The following GNG4 variants were observed in gnomAD, a reference collection of about 807,000 sequenced individuals.
GNG4 encodes G protein subunit gamma 4, also known as guanine nucleotide-binding protein G(I)/G(S)/G(O) subunit gamma-4.
GNG4 carries 4 observed loss-of-function variants against 5.8 expected under a neutral mutation model. The ratio of observed to expected loss-of-function variants is 0.69; its 90% confidence interval spans 0.34 to 1.57. The LOEUF is 1.57. Ranked by LOEUF, GNG4 falls within the 40% of genes most tolerant of loss-of-function variation. The probability of loss-of-function intolerance (pLI) is 0.06; values close to 1 mark genes in which losing one functional copy is unlikely to be tolerated. For synonymous variants in GNG4, 29 were observed against 32.9 expected, an observed-to-expected ratio of 0.88 and a Z score of 0.41; for missense variants, 96 against 95.1, an observed-to-expected ratio of 1.01 and a Z score of -0.04.
At chr1:235,582,467 T>G (rs1029429757) in intron 3 of GNG4, among the ~76,000 whole-genome samples, 3 of 152,242 alleles carry the variant, frequency 2.0e-5, no homozygotes, top group African/African-American at 7.2e-5. Flanking sequence ...CGGAGGAGAC[T>G]GTCGCCTTCA....
intron 3 of GNG4, among the ~76,000 whole-genome samples, chr1:235,580,630 T>C (rs1282347178): frequency 2.0e-5 from 3 of 151,790 alleles, no homozygotes; most frequent in Non-Finnish European, 4.4e-5. Flanking sequence ...GTCACTGGCC[T>C]ACTCCCTGGA....
intron 1 of GNG4, among the ~76,000 whole-genome samples, chr1:235,626,422 G>T (rs1571920368): frequency 7.3e-6 from 1 of 136,966 alleles, no homozygotes; most frequent in Non-Finnish European, 1.5e-5. Flanking sequence ...GGGAGGGCCT[G>T]GGACTAGAGG....
chr1:235,593,900 C>T (rs1458708174), intron 2 of GNG4, among the ~76,000 whole-genome samples: 1 of 152,186 alleles, frequency 6.6e-6, no homozygotes, highest in East Asian at 1.9e-4. Context: ...AGCAAAAGAA[C>T]AAAGCCTGCA....
At chr1:235,596,902 T>C (rs1688137002) in intron 1 of GNG4, among the ~76,000 whole-genome samples, 1 of 152,082 alleles carries the variant, frequency 6.6e-6, no homozygotes. Context: ...TTTACTTTTT[T>C]TTTTTTTATT....
At chr1:235,604,577 A>G (rs1045929373) in intron 1 of GNG4, among the ~76,000 whole-genome samples, 1 of 152,216 alleles carries the variant, frequency 6.6e-6, no homozygotes, top group Non-Finnish European at 1.5e-5. Context: ...ATTTGTAGAC[A>G]TCACTCCAAT....
At position 235,644,503 on chromosome 1, in the gene GNG4, C is replaced by G. The variant is rs2102991017; in HGVS notation, c.-123+5159G>C. ...CCCCGCACACACCGTCAAACACATG[C>G]ACGGTGTAGACTGAAGTCATCAGGT... is the stretch of plus-strand genomic sequence containing the variant. On this transcript the variant is annotated intron_variant, in intron 1 of 3. Coordinates refer to ENST00000391854, the MANE Select transcript of GNG4 (RefSeq NM_001098722.2). The surrounding 1 kb of genome is among the most constrained non-coding windows in gnomAD (Gnocchi z 5.9). Among the ~76,000 whole-genome samples, 1 of 152,358 alleles carries G rather than the reference C, an allele frequency of 6.6e-6. No homozygotes were observed. Among genetic ancestry groups the G allele is most frequent in the Non-Finnish European group, 1.5e-5 (1 of 68,038 alleles).
intron 3 of GNG4, among the ~76,000 whole-genome samples, chr1:235,582,164 C>T (rs1475047074): frequency 6.6e-6 from 1 of 152,228 alleles, no homozygotes; most frequent in Non-Finnish European, 1.5e-5. Context: ...TTCTGCCCCT[C>T]CTTGCCTCTC....
At chr1:235,562,659 G>GAAAAAAAAAAAA (rs1318706984) in intron 3 of GNG4, among the ~76,000 whole-genome samples, 44 of 51,204 alleles carry the variant, frequency 8.6e-4, no homozygotes, top group South Asian at 1.5e-3. Context: ...AAAAAAAAAA[G>GAAAAAAAAAAAA]AAAAAAAAAA....
intron 3 of GNG4, among the ~76,000 whole-genome samples, chr1:235,563,022 A>T (rs180841958): frequency 7.0e-4 from 107 of 152,252 alleles, no homozygotes; most frequent in African/African-American, 2.4e-3. Context: ...ATTAAGATAG[A>T]TGTATTTGGT....
chr1:235,565,534 A>G (rs773019362), intron 3 of GNG4, among the ~76,000 whole-genome samples: 2 of 152,116 alleles, frequency 1.3e-5, no homozygotes, highest in Non-Finnish European at 2.9e-5. Context: ...AGCAACAACA[A>G]CAAAAAACAC....
In GNG4 at chr1:235,621,249, ATTTTTCT is replaced by A. The variant is rs1291374626; in HGVS notation, c.-122-25745_-122-25739del. 2.1e-3 allele frequency among the ~76,000 whole-genome samples: 308 copies of A among 144,230 alleles called. 2 individuals are homozygous for A. The highest frequency in any genetic ancestry group is 7.6e-3 in the African/African-American group (297 of 39,096). The allele number at this position is 144,230 out of a possible 152,430, so 94.6% of individuals were successfully genotyped here. A position where few individuals can be genotyped will look rare whatever the true frequency, so the allele number is the denominator to read the frequency against. ...AAAAAAAAAGTCTAATTTTTTTTTAATTTTTCTTTTTTCTTTCCTTTTTTTCTTTTTC... is the reference window on the plus strand; with the variant it reads ...AAAAAAAAAGTCTAATTTTTTTTTAATTTTTCTTTCCTTTTTTTCTTTTTC... On this transcript the variant is annotated intron_variant, in intron 1 of 3. Coordinates refer to ENST00000391854, the MANE Select transcript of GNG4 (RefSeq NM_001098722.2).
chr1:235,589,161 G>A (rs1558487354), intron 2 of GNG4, among the ~76,000 whole-genome samples: 1 of 152,232 alleles, frequency 6.6e-6, no homozygotes, highest in Non-Finnish European at 1.5e-5. Context: ...ACATCGGAAG[G>A]CTCATCATTT....
Position 235,549,889 on chromosome 1 carries a change from A to C in GNG4, c.*2220T>G, listed in dbSNP as rs868126277. ...GCATTTAGTACATTTATTTGTTTTA[A>C]ATGATAATCAGAGCTTTCATCTATG... On this transcript the variant is annotated 3_prime_UTR_variant, in exon 4 of 4. Coordinates refer to ENST00000391854, the MANE Select transcript of GNG4 (RefSeq NM_001098722.2). 5.9e-5 allele frequency: 9 copies of C among 152,156 alleles called. No homozygotes were observed. Among genetic ancestry groups the C allele is most frequent in the African/African-American group, 2.2e-4 (9 of 41,420 alleles). 9.4% of individuals were successfully genotyped at this position (152,156 alleles called of 1,614,324 possible).
At chr1:235,617,005 C>T (rs1161158531) in intron 1 of GNG4, among the ~76,000 whole-genome samples, 1 of 151,456 alleles carries the variant, frequency 6.6e-6, no homozygotes, top group African/African-American at 2.4e-5. Context: ...GTCTCAGCCT[C>T]CCAAAGTGCT....
intron 1 of GNG4, chr1:235,616,300 C>T (rs1002438563): frequency 8.9e-6 from 4 of 449,220 alleles, no homozygotes; most frequent in African/African-American, 2.0e-5. Context: ...GGAAGGGCAG[C>T]ATCTCCATCC....
At chr1:235,564,321 T>C (rs1020491827) in intron 3 of GNG4, among the ~76,000 whole-genome samples, 1 of 152,170 alleles carries the variant, frequency 6.6e-6, no homozygotes, top group Admixed American at 6.6e-5. Context: ...AAACTACCTG[T>C]TGGGTACTAT....
intron 2 of GNG4, among the ~76,000 whole-genome samples, chr1:235,592,070 T>C (rs1687976627): frequency 6.6e-6 from 1 of 152,236 alleles, no homozygotes; most frequent in Non-Finnish European, 1.5e-5. Context: ...GGTTTCCCTA[T>C]AGAAACTAAA....
At chr1:235,565,351 A>G (rs1687168280) in intron 3 of GNG4, among the ~76,000 whole-genome samples, 1 of 152,114 alleles carries the variant, frequency 6.6e-6, no homozygotes, top group Non-Finnish European at 1.5e-5. Flanking sequence ...AAATACAAAA[A>G]TTAGCCGGGC....
chr1:235,628,020 C>G (rs1412575145), intron 1 of GNG4, among the ~76,000 whole-genome samples: 1 of 151,876 alleles, frequency 6.6e-6, no homozygotes, highest in Admixed American at 6.6e-5. Flanking sequence ...GTCTCTACTA[C>G]AAATACAAAA....
Sources: allele counts gnomAD v4.1 joint callset (sites outside exome capture counted in the v4.1 genomes callset), GRCh38; gene constraint gnomAD v4.1.1; non-coding constraint Gnocchi (gnomAD v3.1); transcripts MANE v1.5; gene names NCBI Gene and HGNC (gene_info 2026-07-23, HGNC 2026-07-21).